PALM2AKAP2: variants seen among roughly 807,000 people sequenced by gnomAD.
PALM2AKAP2 encodes PALM2 and AKAP2 fusion.
PALM2AKAP2 carries 37 observed loss-of-function variants against 71.5 expected under a neutral mutation model. The ratio of observed to expected loss-of-function variants is 0.52; its 90% CI spans 0.40 to 0.68. The LOEUF (loss-of-function observed/expected upper bound fraction) is 0.68, where lower values mean the gene tolerates loss of function less well. Ranked by LOEUF, PALM2AKAP2 falls within the 30% of genes least tolerant of loss-of-function variation. The pLI is 0.00. For missense variants in PALM2AKAP2, 1,224 were observed against 1,191.8 expected (o/e 1.03, Z -0.40); for synonymous variants, 468 against 478.8 (o/e 0.98, Z 0.29).
At chr9:109,794,077 C>G (rs1224207888) in intron 1 of PALM2AKAP2, among the ~76,000 whole-genome samples, 1 of 152,188 alleles carries the variant, frequency 6.6e-6, no homozygotes, top group Non-Finnish European at 1.5e-5. Flanking sequence ...AAAGAAATCA[C>G]TATTGCCTCA....
intron 7 of PALM2AKAP2, among the ~76,000 whole-genome samples, chr9:110,027,235 C>T (rs571007287): frequency 2.0e-5 from 3 of 152,134 alleles, no homozygotes; most frequent in Non-Finnish European, 4.4e-5. Context: ...CTGCAAGTCC[C>T]AAATCACACC....
chr9:110,016,834 TG>T (rs1189879300), intron 7 of PALM2AKAP2, among the ~76,000 whole-genome samples: 2 of 152,230 alleles, frequency 1.3e-5, no homozygotes, highest in Non-Finnish European at 2.9e-5. Context: ...AATTTTTCTT[TG>T]AAAAATAAGA....
chr9:109,672,065 T>A (rs1827581379), intron 1 of PALM2AKAP2, among the ~76,000 whole-genome samples: 1 of 152,184 alleles, frequency 6.6e-6, no homozygotes, highest in Admixed American at 6.5e-5. Flanking sequence ...ATAGTTCAAC[T>A]TCCTGTCTTC....
intron 2 of PALM2AKAP2, 40 bp from the exon 3 acceptor site, chr9:109,880,511 A>G: frequency 6.2e-7 from 1 of 1,609,446 alleles, no homozygotes; most frequent in Non-Finnish European, 8.5e-7. Context: ...TGTGGACTGA[A>G]AAGTATCATC....
chr9:110,123,359 G>C (rs61275136), intron 1 of PALM2AKAP2, among the ~76,000 whole-genome samples: 2,693 of 152,216 alleles, frequency 0.018, 96 homozygotes, highest in African/African-American at 0.062. Flanking sequence ...CCTCTCCTTG[G>C]CTTATAAGTA....
chr9:109,772,795 G>A (rs115689777), intron 1 of PALM2AKAP2, among the ~76,000 whole-genome samples: 1 of 152,144 alleles, frequency 6.6e-6, no homozygotes, highest in African/African-American at 2.4e-5. Context: ...CTTTTCTCCC[G>A]GTGCACTGAG....
In PALM2AKAP2 at chr9:109,691,565, T is replaced by C. The variant is rs146888242; in HGVS notation, c.5+50699T>C. Among the ~76,000 whole-genome samples the C allele has an allele frequency of 3.6e-4, 54 of 151,922 alleles. 1 individual carries two copies. The East Asian group carries it at 9.9e-3, about 28-fold the overall frequency. On this transcript the variant is annotated intron_variant, in intron 1 of 6. Coordinates refer to the PALM2AKAP2 transcript ENST00000374531. Reference sequence around the variant, plus strand: ...ATGCTGCTAACAATTAGAAAACTCTTATATCAAATTTGACCTTTCTCTCCC... The same window carrying C: ...ATGCTGCTAACAATTAGAAAACTCTCATATCAAATTTGACCTTTCTCTCCC...
intron 7 of PALM2AKAP2, among the ~76,000 whole-genome samples, chr9:110,032,461 G>T (rs1423637650): frequency 6.6e-6 from 1 of 152,128 alleles, no homozygotes; most frequent in Non-Finnish European, 1.5e-5. Flanking sequence ...GGGAGGCTGA[G>T]GCGGGCAGAT....
At chr9:109,758,075 G>T (rs535161154) in intron 1 of PALM2AKAP2, among the ~76,000 whole-genome samples, 43 of 152,036 alleles carry the variant, frequency 2.8e-4, no homozygotes, top group Admixed American at 6.6e-4. Context: ...AGCAAATACA[G>T]CCATACATTC....
chr9:110,047,659 C>G (rs892059873), upstream of PALM2AKAP2, among the ~76,000 whole-genome samples: 1 of 152,120 alleles, frequency 6.6e-6, no homozygotes, highest in African/African-American at 2.4e-5. Context: ...GTGCCTAGGG[C>G]AAAGCTGAAT....
chr9:110,011,091 TTCTC>T (rs1202049929), intron 6 of PALM2AKAP2, among the ~76,000 whole-genome samples: 138 of 145,308 alleles, frequency 9.5e-4, no homozygotes, highest in African/African-American at 3.2e-3. Context: ...AATTATATAT[TTCTC>T]TATATATTCC....
intron 1 of PALM2AKAP2, among the ~76,000 whole-genome samples, chr9:109,712,017 G>T (rs968407381): frequency 1.3e-5 from 2 of 151,178 alleles, no homozygotes; most frequent in Non-Finnish European, 3.0e-5. Flanking sequence ...GTGTGTGTGT[G>T]TGTGAGCAAC....
intron 1 of PALM2AKAP2, among the ~76,000 whole-genome samples, chr9:109,696,367 G>C (rs1436699730): frequency 2.0e-5 from 3 of 152,194 alleles, no homozygotes; most frequent in African/African-American, 7.2e-5. Flanking sequence ...CTCATAGTAA[G>C]AGAAATGTGA....
chr9:109,979,894 A>T (rs1167266118), intron 6 of PALM2AKAP2, among the ~76,000 whole-genome samples: 2 of 152,208 alleles, frequency 1.3e-5, no homozygotes, highest in African/African-American at 4.8e-5. Context: ...CTGTGTGCTG[A>T]ATACATCCTC....
chr9:109,962,895 C>T (rs537785965), intron 6 of PALM2AKAP2, among the ~76,000 whole-genome samples: 26 of 152,310 alleles, frequency 1.7e-4, no homozygotes, highest in African/African-American at 5.3e-4. Context: ...GCACCCACCT[C>T]GGCCTCCCAA....
chr9:109,678,755 C>T (rs577724620), intron 1 of PALM2AKAP2, among the ~76,000 whole-genome samples: 3 of 151,910 alleles, frequency 2.0e-5, no homozygotes, highest in South Asian at 2.1e-4. Flanking sequence ...TTTTTCTGGC[C>T]GGAGGTAAGC....
intron 1 of PALM2AKAP2, among the ~76,000 whole-genome samples, chr9:110,084,852 C>T (rs1296735701): frequency 6.6e-6 from 1 of 152,062 alleles, no homozygotes; most frequent in African/African-American, 2.4e-5. Flanking sequence ...TCTCCTGCCT[C>T]AACCTCCCGA....
intron 1 of PALM2AKAP2, among the ~76,000 whole-genome samples, chr9:109,854,832 A>G (rs370164501): frequency 0.015 from 1,849 of 121,528 alleles, 25 homozygotes; most frequent in Middle Eastern, 0.095. Context: ...GTGCAGTGGC[A>G]CAATCTCGGC....
At chr9:109,763,673 G>A (rs1829097613) in intron 1 of PALM2AKAP2, among the ~76,000 whole-genome samples, 1 of 152,146 alleles carries the variant, frequency 6.6e-6, no homozygotes, top group Admixed American at 6.5e-5. Flanking sequence ...GTGTCAGCAG[G>A]GTTGGTTCCT....
Sources: gnomAD v4.1 joint callset for allele counts (sites outside exome capture counted in the v4.1 genomes callset) on GRCh38, gnomAD v4.1.1 for gene constraint, MANE v1.5 for transcripts, NCBI Gene and HGNC (gene_info 2026-07-23, HGNC 2026-07-21) for gene names.